Variants in DNAH12 observed in about 807,000 individuals in gnomAD.
DNAH12 encodes the protein axonemal beta dynein heavy chain 12.
DNAH12 carries 285 observed loss-of-function variants against 371.5 expected under a neutral mutation model. The observed-to-expected ratio is 0.77, with a 90% CI of 0.70 to 0.85. DNAH12 has a LOEUF of 0.85. Among genes scored for constraint, DNAH12 ranks in the 40% least tolerant of loss-of-function variants. DNAH12 has a pLI of 0.00. For synonymous variants in DNAH12, 1,200 were observed against 1,213.0 expected (o/e 0.99, Z 0.22); for missense variants, 3,611 against 3,689.4 (o/e 0.98, Z 0.55).
chr3:57,357,563 G>T (rs1049085953), intron 58 of DNAH12, among the ~76,000 whole-genome samples: 1 of 152,000 alleles, frequency 6.6e-6, no homozygotes, highest in Admixed American at 6.6e-5. Context: ...GGAGGAAAGG[G>T]GAAGGAGAGA....
At chr3:57,383,180 G>A (rs1226080393) in intron 49 of DNAH12, among the ~76,000 whole-genome samples, 1 of 152,068 alleles carries the variant, frequency 6.6e-6, no homozygotes, top group African/African-American at 2.4e-5. Flanking sequence ...GCTCAGCCTG[G>A]GATCTGATTC....
At chr3:57,296,259 G>A in intron 72 of DNAH12, 85 bp downstream of exon 72, 6 of 1,080,110 alleles carry the variant, frequency 5.6e-6, no homozygotes, top group Non-Finnish European at 7.8e-6. Flanking sequence ...CCTTAAAAGA[G>A]GACTTTTTTT....
intron 66 of DNAH12, among the ~76,000 whole-genome samples, chr3:57,311,636 T>C (rs2061586424): frequency 6.6e-6 from 1 of 152,168 alleles, no homozygotes; most frequent in Non-Finnish European, 1.5e-5. Flanking sequence ...GTTACTGGCA[T>C]CTATTGGGTA....
chr3:57,348,468 G>A (rs187499707), intron 60 of DNAH12, among the ~76,000 whole-genome samples: 1 of 152,266 alleles, frequency 6.6e-6, no homozygotes, highest in East Asian at 1.9e-4. Flanking sequence ...AATACCCAGA[G>A]TGAAGCCTGA....
At chr3:57,484,602 G>GA (rs1430489926) in intron 12 of DNAH12, among the ~76,000 whole-genome samples, 2 of 151,928 alleles carry the variant, frequency 1.3e-5, no homozygotes, top group African/African-American at 4.8e-5. Context: ...AATAACATCA[G>GA]AAAAAAGCTT....
chr3:57,555,958 C>T, the DNAH12 span, among the ~76,000 whole-genome samples: 1 of 152,212 alleles, frequency 6.6e-6, no homozygotes, highest in Admixed American at 6.5e-5. Context: ...CAGTCCCGGG[C>T]GCAGGGAGGA....
At chr3:57,350,444 A>G (rs1553659770) in intron 60 of DNAH12, among the ~76,000 whole-genome samples, 1 of 152,190 alleles carries the variant, frequency 6.6e-6, no homozygotes, top group Admixed American at 6.5e-5. Flanking sequence ...AGTAGGGAAA[A>G]GGCCAAGTCT....
intron 32 of DNAH12, 34 bp from the exon 33 acceptor site, chr3:57,429,808 T>C: frequency 6.7e-7 from 1 of 1,483,180 alleles, no homozygotes; most frequent in Non-Finnish European, 8.9e-7. Context: ...GTTTATTTTT[T>C]AAAATTTCAA....
chr3:57,503,975 A>G (rs1417835022), intron 9 of DNAH12, 41 bp downstream of exon 9: 1 of 1,534,996 alleles, frequency 6.5e-7, no homozygotes, highest in Non-Finnish European at 8.9e-7. Flanking sequence ...ATTCAATTCA[A>G]ATAATTTAAA....
chr3:57,381,606 T>G (rs2063392242), intron 50 of DNAH12, among the ~76,000 whole-genome samples: 2 of 152,164 alleles, frequency 1.3e-5, no homozygotes, highest in African/African-American at 4.8e-5. Context: ...CCATCTTTTT[T>G]TAATGGAATT....
chr3:57,440,819 C>T (rs536180366), intron 29 of DNAH12, among the ~76,000 whole-genome samples: 1 of 152,242 alleles, frequency 6.6e-6, no homozygotes, highest in African/African-American at 2.4e-5. Flanking sequence ...AAGACCTCCT[C>T]TCTACTAAAA....
At chr3:57,316,621 C>T (rs2061691157) in intron 65 of DNAH12, among the ~76,000 whole-genome samples, 1 of 152,112 alleles carries the variant, frequency 6.6e-6, no homozygotes. Context: ...AATTTGTAAT[C>T]CCCGCTTTTC....
intron 35 of DNAH12, 30 bp downstream of exon 35, chr3:57,424,992 A>T (rs540901669): frequency 1.5e-6 from 1 of 687,174 alleles, no homozygotes; most frequent in East Asian, 2.7e-5. Context: ...TTTATTTATA[A>T]TTAAAAACTA....
chr3:57,404,129 A>G (rs1296587548), intron 42 of DNAH12, among the ~76,000 whole-genome samples: 1 of 152,216 alleles, frequency 6.6e-6, no homozygotes, highest in Non-Finnish European at 1.5e-5. Context: ...AAATTCTCAC[A>G]CATGTACCCA....
intron 28 of DNAH12, 69 bp downstream of exon 28, chr3:57,445,105 C>T: frequency 6.9e-7 from 1 of 1,441,400 alleles, no homozygotes; most frequent in East Asian, 2.5e-5. Flanking sequence ...TTTGTAGTTC[C>T]TGATTAACCT....
intron 49 of DNAH12, among the ~76,000 whole-genome samples, chr3:57,383,684 C>G (rs1210672889): frequency 6.8e-6 from 1 of 147,524 alleles, no homozygotes; most frequent in Non-Finnish European, 1.5e-5. Context: ...TACTTTAGCC[C>G]AAAAGTTTCA....
intron 65 of DNAH12, among the ~76,000 whole-genome samples, chr3:57,319,290 A>G (rs756213483): frequency 6.6e-6 from 1 of 152,124 alleles, no homozygotes; most frequent in Non-Finnish European, 1.5e-5. Flanking sequence ...GTGGTTTTCT[A>G]TATACATAAG....
At chr3:57,510,639 G>GA (rs199820628) in intron 5 of DNAH12, 151 bp downstream of exon 5, 58 of 740,590 alleles carry the variant, frequency 7.8e-5, no homozygotes, top group East Asian at 2.9e-4. Flanking sequence ...ATGTCTCGAA[G>GA]AAAAAAAATA....
intron 59 of DNAH12, among the ~76,000 whole-genome samples, chr3:57,356,049 A>G (rs1414626609): frequency 1.3e-5 from 2 of 152,352 alleles, no homozygotes; most frequent in Admixed American, 1.3e-4. Context: ...GCATGCAGCT[A>G]GTATGTGGCA....
Sources: gnomAD v4.1 joint callset for allele counts (sites outside exome capture counted in the v4.1 genomes callset) on GRCh38, gnomAD v4.1.1 for gene constraint, MANE v1.5 for transcripts, NCBI Gene and HGNC (gene_info 2026-07-23, HGNC 2026-07-21) for gene names.